Variants in TMED3 observed in about 807,000 individuals in gnomAD.
TMED3 encodes transmembrane emp24 domain-containing protein 3.
In TMED3, 9 loss-of-function variants were observed where a neutral mutation model predicts 15.0. The observed-to-expected ratio is 0.60, with a 90% CI of 0.36 to 1.04. The LOEUF is 1.04. TMED3 is among the 50% of genes least tolerant of loss of function. TMED3 has a pLI of 0.01. For synonymous variants in TMED3, 117 were observed against 121.4 expected (o/e 0.96, Z 0.24); for missense variants, 267 against 278.9 (o/e 0.96, Z 0.30).
chr15:79,331,696 A>G (rs1410510897), intron 2 of TMED3, among the ~76,000 whole-genome samples: 1 of 152,200 alleles, frequency 6.6e-6, no homozygotes, highest in Non-Finnish European at 1.5e-5. Context: ...GAACTCAAAC[A>G]TATCAAAGAT....
At chr15:79,338,328 T>A (rs1310549495) in intron 2 of TMED3, among the ~76,000 whole-genome samples, 6 of 152,176 alleles carry the variant, frequency 3.9e-5, no homozygotes, top group Admixed American at 2.0e-4. Context: ...ATGTGGGTGT[T>A]TGTTATGTTA....
At chr15:79,364,026 C>G (rs762139500) in intron 2 of TMED3, among the ~76,000 whole-genome samples, 15 of 152,300 alleles carry the variant, frequency 9.8e-5, no homozygotes, top group Non-Finnish European at 2.2e-4. Flanking sequence ...GGTCCAGGTT[C>G]TTGTCTCACA....
Position 79,386,704 on chromosome 15 carries a change from A to ATTTTTTTTTTTTTTTTTGTAT in TMED3, c.418-24680_418-24679insTGTATTTTTTTTTTTTTTTTT, listed in dbSNP as rs35828266. Among the ~76,000 whole-genome samples the ATTTTTTTTTTTTTTTTTGTAT allele has an allele frequency of 2.4e-5, 3 of 125,160 alleles. No individual in the cohort carries two copies. The South Asian group carries it at 8.5e-4, about 35-fold the overall frequency. The allele number at this position is 125,160 out of a possible 152,430, so 82.1% of individuals were successfully genotyped here. On this transcript the variant is annotated intron_variant, in intron 2 of 2. Coordinates refer to the TMED3 transcript ENST00000424155. ...CAGGTGTGGGCCACCATGCCTGGCT[A>ATTTTTTTTTTTTTTTTTGTAT]TTTTTTTTTTTTTTTTGTATTTTTA...
chr15:79,387,849 T>A (rs773315205), intron 2 of TMED3, among the ~76,000 whole-genome samples: 1 of 152,212 alleles, frequency 6.6e-6, no homozygotes, highest in Non-Finnish European at 1.5e-5. Flanking sequence ...TACTTCTTGA[T>A]GCTATTATAA....
At chr15:79,368,453 TG>T (rs1893278129) in intron 2 of TMED3, among the ~76,000 whole-genome samples, 1 of 152,074 alleles carries the variant, frequency 6.6e-6, no homozygotes, top group East Asian at 1.9e-4. Context: ...TTGCACACTG[TG>T]GGAATTATGG....
At chr15:79,398,538 A>G (rs539745496) in intron 2 of TMED3, among the ~76,000 whole-genome samples, 2 of 150,696 alleles carry the variant, frequency 1.3e-5, no homozygotes, top group East Asian at 4.0e-4. Flanking sequence ...TCAAGGCTAA[A>G]GGCCTGAGAA....
intron 2 of TMED3, among the ~76,000 whole-genome samples, chr15:79,374,409 T>A (rs1893392484): frequency 6.6e-6 from 1 of 152,178 alleles, no homozygotes; most frequent in Non-Finnish European, 1.5e-5. Context: ...ATTTTTTAGG[T>A]TTACTTTGGA....
intron 2 of TMED3, among the ~76,000 whole-genome samples, chr15:79,371,368 T>C (rs61014412): frequency 0.34 from 51,967 of 151,942 alleles, 9,044 homozygotes; most frequent in East Asian, 0.54. Flanking sequence ...TGAGACGTGA[T>C]AGAACTGCAG....
At chr15:79,344,353 A>G (rs989221188) in intron 2 of TMED3, among the ~76,000 whole-genome samples, 6 of 152,362 alleles carry the variant, frequency 3.9e-5, no homozygotes, top group Non-Finnish European at 5.9e-5. Flanking sequence ...TTCCTCTCAC[A>G]GCTTTGGAAA....
intron 2 of TMED3, among the ~76,000 whole-genome samples, chr15:79,390,204 A>C (rs1379347289): frequency 6.6e-6 from 1 of 152,142 alleles, no homozygotes; most frequent in East Asian, 1.9e-4. Context: ...TTCCCTATTC[A>C]GTATTATGTT....
At chr15:79,333,159 A>C (rs2058815650) in intron 2 of TMED3, among the ~76,000 whole-genome samples, 1 of 152,252 alleles carries the variant, frequency 6.6e-6, no homozygotes, top group South Asian at 2.1e-4. Context: ...CTAGGACTTT[A>C]CCTGGTACAG....
In TMED3 at chr15:79,376,092, G is replaced by GTTTTTTTTTTTT. The variant is rs199728545; in HGVS notation, c.418-35284_418-35273dup. ...CTTACTTCATCTATTCTAGAGAAAGGTTTTTTTTTTTTTTTTTTTTTTTTT... is the reference window on the plus strand; with the variant it reads ...CTTACTTCATCTATTCTAGAGAAAGGTTTTTTTTTTTTTTTTTTTTTTTTTTTTTTTTTTTTT... On this transcript the variant is annotated intron_variant, in intron 2 of 2. Coordinates refer to the TMED3 transcript ENST00000424155. 2.8e-4 allele frequency among the ~76,000 whole-genome samples: 31 copies of GTTTTTTTTTTTT among 112,078 alleles called. 2 individuals are homozygous for GTTTTTTTTTTTT. The highest frequency in any genetic ancestry group is 1.0e-3 in the African/African-American group (28 of 27,488). The allele number at this position is 112,078 out of a possible 152,430, so 73.5% of individuals were successfully genotyped here.
chr15:79,372,941 C>T (rs1449314390), intron 2 of TMED3, among the ~76,000 whole-genome samples: 1 of 152,158 alleles, frequency 6.6e-6, no homozygotes, highest in Non-Finnish European at 1.5e-5. Flanking sequence ...TGAGCTTTCT[C>T]CTTGTTTGTC....
chr15:79,343,374 G>A (rs1567028130), intron 2 of TMED3, among the ~76,000 whole-genome samples: 1 of 152,176 alleles, frequency 6.6e-6, no homozygotes, highest in African/African-American at 2.4e-5. Flanking sequence ...AAGATGTCAC[G>A]TAGATGGAAT....
At chr15:79,345,877 T>A (rs1048383816) in intron 2 of TMED3, among the ~76,000 whole-genome samples, 16 of 152,262 alleles carry the variant, frequency 1.1e-4, no homozygotes, top group African/African-American at 3.1e-4. Context: ...CTCATGGTTT[T>A]GATTTGCATT....
At chr15:79,318,033 A>G (rs1436518297) in intron 2 of TMED3, among the ~76,000 whole-genome samples, 1 of 152,186 alleles carries the variant, frequency 6.6e-6, no homozygotes, top group African/African-American at 2.4e-5. Context: ...TTCTCCACGC[A>G]TCCCCATCAC....
chr15:79,406,798 A>G (rs903173100), intron 2 of TMED3, among the ~76,000 whole-genome samples: 8 of 152,222 alleles, frequency 5.3e-5, no homozygotes, highest in Non-Finnish European at 7.3e-5. Context: ...CCTAATGGGC[A>G]TTACCGTCAA....
At chr15:79,349,547 A>T (rs2058884209) in intron 2 of TMED3, among the ~76,000 whole-genome samples, 1 of 152,260 alleles carries the variant, frequency 6.6e-6, no homozygotes, top group African/African-American at 2.4e-5. Flanking sequence ...TAATTATCCT[A>T]TTCGTCTCTC....
intron 2 of TMED3, among the ~76,000 whole-genome samples, chr15:79,368,936 G>A (rs545648384): frequency 1.3e-5 from 2 of 151,152 alleles, no homozygotes; most frequent in Non-Finnish European, 2.9e-5. Context: ...AAAAACACAC[G>A]CAAAAAAAAT....
Sources: gnomAD v4.1 joint callset for allele counts (sites outside exome capture counted in the v4.1 genomes callset) on GRCh38, gnomAD v4.1.1 for gene constraint, MANE v1.5 for transcripts, NCBI Gene and HGNC (gene_info 2026-07-23, HGNC 2026-07-21) for gene names.